The following ATG16L2 variants were observed in gnomAD, a reference collection of about 807,000 sequenced individuals.
ATG16L2 encodes the protein autophagy related 16 like 2, also known as protein Atg16l2.
A neutral mutation model predicts 84.7 loss-of-function variants in ATG16L2; 77 were observed. The ratio of observed to expected loss-of-function variants is 0.91; its 90% CI spans 0.76 to 1.10. ATG16L2 has a LOEUF of 1.10. Ranked by LOEUF, ATG16L2 falls within the 50% of genes least tolerant of loss-of-function variation. ATG16L2 has a pLI of 0.00. For missense variants in ATG16L2, 782 were observed against 817.6 expected (o/e 0.96, Z 0.53); for synonymous variants, 361 against 342.8 (o/e 1.05, Z -0.59).
chr11:72,823,366 C>T (rs928618471), intron 7 of ATG16L2: 1 of 333,002 alleles, frequency 3.0e-6, no homozygotes, highest in Non-Finnish European at 5.9e-6. Flanking sequence ...CTTGACTGAG[C>T]CCGTCTGTAT....
intron 14 of ATG16L2, among the ~76,000 whole-genome samples, 172 bp downstream of exon 14, chr11:72,827,465 G>A (rs1161053895): frequency 6.6e-6 from 1 of 152,228 alleles, no homozygotes; most frequent in African/African-American, 2.4e-5. Context: ...GCTCCCGCAG[G>A]AAGCTGTGCC....
chr11:72,825,192 C>A, intron 9 of ATG16L2, 110 bp from the exon 10 acceptor site: 4 of 801,094 alleles, frequency 5.0e-6, no homozygotes, highest in South Asian at 3.2e-5. Flanking sequence ...GAGGGAGATA[C>A]CACGTCTGCA....
At position 72,822,301 on chromosome 11, in the gene ATG16L2, G is replaced by T. The variant is rs1236534629; in HGVS notation, c.644+6G>T. On this transcript the variant is annotated splice_donor_region_variant and intron_variant, in intron 5 of 17. Coordinates refer to ENST00000321297, the MANE Select transcript of ATG16L2 (RefSeq NM_033388.2). This position sits in a 1 kb window ranked among gnomAD's most constrained non-coding sequence, Gnocchi z 4.2. The stretch of plus-strand genomic sequence containing the variant: ...CGCAACGAGCGCCGGGAGCGGTGAG[G>T]GAGCAGGCCCCGCCCCTCCTGAGGA... 6.6e-7 allele frequency: 1 copy of T among 1,513,982 alleles called. No homozygotes were observed. 93.8% of individuals were successfully genotyped at this position (1,513,982 alleles called of 1,614,324 possible).
At chr11:72,828,020 T>G (rs1256020585) in intron 14 of ATG16L2, among the ~76,000 whole-genome samples, 1 of 152,276 alleles carries the variant, frequency 6.6e-6, no homozygotes, top group African/African-American at 2.4e-5. Flanking sequence ...CTTTACTCAC[T>G]GATCTCCAGC....
intron 7 of ATG16L2, 63 bp from the exon 8 acceptor site, chr11:72,823,997 T>G: frequency 6.3e-7 from 1 of 1,577,578 alleles, no homozygotes. Flanking sequence ...GTGGAGATGA[T>G]GGACAGCCAT....
At chr11:72,838,948 C>G in intron 5 of ATG16L2, 1 of 1,376,366 alleles carries the variant, frequency 7.3e-7, no homozygotes. Context: ...AAAACCTAAT[C>G]ACTCATCTGT....
intron 14 of ATG16L2, among the ~76,000 whole-genome samples, chr11:72,827,594 A>G (rs1860438593): frequency 6.6e-6 from 1 of 152,216 alleles, no homozygotes; most frequent in Non-Finnish European, 1.5e-5. Context: ...AAATTCTTTT[A>G]GCTGTTTTTT....
At chr11:72,830,467 A>C (rs111230135), downstream of ATG16L2, among the ~76,000 whole-genome samples, 3 of 151,906 alleles carry the variant, frequency 2.0e-5, no homozygotes, top group Non-Finnish European at 4.4e-5. Flanking sequence ...CCTTTCCCTT[A>C]CTATGGCCAG....
At position 72,827,120 on chromosome 11, in the gene ATG16L2, A is replaced by C. The variant is rs1860410535; in HGVS notation, c.1367-68A>C. On this transcript the variant is annotated intron_variant, in intron 13 of 17. Coordinates refer to ENST00000321297, the MANE Select transcript of ATG16L2 (RefSeq NM_033388.2). ...CTGGGTTCTGGGCCTCAGCTTCTCC[A>C]TATGTCCTGTGGGGTGGCTCCCGAC... The C allele has an allele frequency of 8.7e-6, 11 of 1,269,092 alleles. No individual in the cohort carries two copies. The Admixed American group carries it at 8.9e-5, about 10-fold the overall frequency. The allele number at this position is 1,269,092 out of a possible 1,614,324, so 78.6% of individuals were successfully genotyped here. A position where few individuals can be genotyped will look rare whatever the true frequency, so the allele number is the denominator to read the frequency against.
At position 72,842,098 on chromosome 11, in the gene ATG16L2, C is replaced by CT. The variant is rs1467483685; in HGVS notation, c.*22-518dup. ...GATCCCTGAGGGGACAAACTAAACT[C>CT]TGACTGAATTAGAGGTTCCTTTAAA... On this transcript the variant is annotated intron_variant, in intron 5 of 5. Coordinates refer to the ATG16L2 transcript ENST00000534905. Among the ~76,000 whole-genome samples, 3 of 152,320 alleles carry CT rather than the reference C, an allele frequency of 2.0e-5. No individual in the cohort carries two copies. The East Asian group carries it at 5.8e-4, about 29-fold the overall frequency.
chr11:72,820,695 C>G (rs1859940549), intron 3 of ATG16L2, among the ~76,000 whole-genome samples: 1 of 152,156 alleles, frequency 6.6e-6, no homozygotes, highest in African/African-American at 2.4e-5. Flanking sequence ...CTCACCAGGC[C>G]CACGTGAGAA....
chr11:72,829,293 C>T lies in ATG16L2; in HGVS notation c.1773-10C>T, dbSNP rs1404597073. On this transcript the variant is annotated splice_polypyrimidine_tract_variant and intron_variant, in intron 17 of 17. Transcript: ENST00000321297. ...AAGCCCCCCTGAAGCCTGCCCCTCC[C>T]TTTCCCCAGCGCTGCCGTCAACGCC... is the stretch of plus-strand genomic sequence containing the variant. 2.5e-6 allele frequency: 4 copies of T among 1,612,298 alleles called. No homozygotes were observed. The highest frequency in any genetic ancestry group is 1.3e-5 in the African/African-American group (1 of 74,926).
intron 15 of ATG16L2, 39 bp downstream of exon 15, chr11:72,828,547 G>A (rs758364386): frequency 4.3e-6 from 7 of 1,612,994 alleles, no homozygotes; most frequent in Non-Finnish European, 5.1e-6. Flanking sequence ...GGCCTTTGCT[G>A]GGACAGCTGA....
Position 72,816,945 on chromosome 11 carries a change from GGGTGGTGGGGGTGGTGGA to G in ATG16L2, c.218+136_218+153del, listed in dbSNP as rs908737039. The G allele has an allele frequency of 3.7e-5, 25 of 672,686 alleles. 1 individual carries two copies. Among genetic ancestry groups the G allele is most frequent in the Non-Finnish European group, 5.6e-5 (22 of 394,792 alleles). The allele number at this position is 672,686 out of a possible 1,614,324, so 41.7% of individuals were successfully genotyped here. A position where few individuals can be genotyped will look rare whatever the true frequency, so the allele number is the denominator to read the frequency against. Reference sequence around the variant, plus strand: ...TCATCAGCCCTTGGCTGCTGCCCAGGGGTGGTGGGGGTGGTGGAGGTGGTGGGGGTGGTGGGGGAGGCA... The same window carrying G: ...TCATCAGCCCTTGGCTGCTGCCCAGGGGTGGTGGGGGTGGTGGGGGAGGCA... On this transcript the variant is annotated intron_variant, in intron 2 of 17. Transcript: ENST00000321297.
At chr11:72,815,566 G>A (rs1180014204) in intron 1 of ATG16L2, among the ~76,000 whole-genome samples, 1 of 152,040 alleles carries the variant, frequency 6.6e-6, no homozygotes, top group East Asian at 1.9e-4. Flanking sequence ...AGATCTGGAG[G>A]GCTGAAATCA....
At chr11:72,842,292 C>T (rs779764714) in intron 5 of ATG16L2, among the ~76,000 whole-genome samples, 4 of 152,208 alleles carry the variant, frequency 2.6e-5, no homozygotes, top group Non-Finnish European at 4.4e-5. Context: ...CGTAAATTAA[C>T]CACAGAGCAA....
chr11:72,831,218 T>A (rs979265993), downstream of ATG16L2, among the ~76,000 whole-genome samples: 1 of 152,228 alleles, frequency 6.6e-6, no homozygotes, highest in African/African-American at 2.4e-5. Context: ...TTAAATTCTC[T>A]TATTCAGGCT....
In ATG16L2 at chr11:72,843,532, C is replaced by T. The variant is rs1250694445; in HGVS notation, c.*937C>T. On this transcript the variant is annotated 3_prime_UTR_variant, in exon 6 of 6. Coordinates refer to the ATG16L2 transcript ENST00000534905. ...ATGGTCAACTCATCTGGTTGAGAAGCCTGCAGTGTAGGATGGTCATGGACA... is the reference window on the plus strand; with the variant it reads ...ATGGTCAACTCATCTGGTTGAGAAGTCTGCAGTGTAGGATGGTCATGGACA... 2.5e-6 allele frequency: 4 copies of T among 1,612,004 alleles called. No homozygotes were observed. In the South Asian group the frequency reaches 4.4e-5, roughly 18 times the overall value.
chr11:72,842,856 A>G, exon 6 of ATG16L2: 1 of 1,601,964 alleles, frequency 6.2e-7, no homozygotes, highest in Non-Finnish European at 8.5e-7. Context: ...GGAGCAAGAG[A>G]AAAACAAATC....
Sources: allele counts gnomAD v4.1 joint callset (sites outside exome capture counted in the v4.1 genomes callset), GRCh38; gene constraint gnomAD v4.1.1; non-coding constraint Gnocchi (gnomAD v3.1); transcripts MANE v1.5; gene names NCBI Gene and HGNC (gene_info 2026-07-23, HGNC 2026-07-21).